The following SCARA5 variants were observed in gnomAD, a reference collection of about 807,000 sequenced individuals.
The protein encoded by SCARA5 is scavenger receptor class A, member 5 (putative).
In SCARA5, 45 loss-of-function variants were observed where a neutral mutation model predicts 46.3. The ratio of observed to expected loss-of-function variants is 0.97; its 90% CI spans 0.76 to 1.24. The LOEUF is 1.24. Ranked by LOEUF, SCARA5 falls within the 50% of genes most tolerant of loss-of-function variation. The probability of loss-of-function intolerance (pLI) is 0.00; values close to 1 mark genes in which losing one functional copy is unlikely to be tolerated. For missense variants in SCARA5, 680 were observed against 689.0 expected, an observed-to-expected ratio of 0.99 and a Z score of 0.15; for synonymous variants, 333 against 306.5, an observed-to-expected ratio of 1.09 and a Z score of -0.90.
intron 2 of SCARA5, among the ~76,000 whole-genome samples, chr8:27,980,762 A>G (rs944096927): frequency 6.6e-6 from 1 of 152,200 alleles, no homozygotes; most frequent in Admixed American, 6.5e-5. Context: ...TACGCCATAG[A>G]ATCAGGAGCC....
Position 27,871,335 on chromosome 8 carries a change from G to T in SCARA5, c.*599C>A. 3.3e-6 allele frequency: 2 copies of T among 603,132 alleles called. No homozygotes were observed. The highest frequency in any genetic ancestry group is 1.4e-4 in the East Asian group (1 of 7,072). 37.4% of individuals were successfully genotyped at this position (603,132 alleles called of 1,614,324 possible). A position where few individuals can be genotyped will look rare whatever the true frequency, so the allele number is the denominator to read the frequency against. ...AGTTTCATTCCCTTCTCCAAATCTA[G>T]CTGGATTCCTGCAGGTGACTTGCAT... On this transcript the variant is annotated 3_prime_UTR_variant, in exon 9 of 9. Coordinates refer to ENST00000354914, the MANE Select transcript of SCARA5 (RefSeq NM_173833.6).
At chr8:27,987,816 G>C (rs980841633) in intron 1 of SCARA5, among the ~76,000 whole-genome samples, 186 bp from the exon 2 acceptor site, 1 of 152,208 alleles carries the variant, frequency 6.6e-6, no homozygotes. Context: ...CCTTGGGGCC[G>C]TGATGCCCCC....
At chr8:27,884,446 G>A (rs1466923287) in intron 7 of SCARA5, among the ~76,000 whole-genome samples, 1 of 152,246 alleles carries the variant, frequency 6.6e-6, no homozygotes, top group Non-Finnish European at 1.5e-5. Flanking sequence ...GCTGAGGCCA[G>A]GCTGTCAGCC....
chr8:27,877,330 G>C (rs1453644300), intron 8 of SCARA5, among the ~76,000 whole-genome samples: 1 of 152,190 alleles, frequency 6.6e-6, no homozygotes, highest in African/African-American at 2.4e-5. Context: ...GGGCATTCGT[G>C]AAAGCAAGTC....
intron 8 of SCARA5, among the ~76,000 whole-genome samples, chr8:27,873,712 G>GA (rs1157962436): frequency 6.6e-6 from 1 of 151,860 alleles, no homozygotes; most frequent in Non-Finnish European, 1.5e-5. Context: ...CCCAAAAAAA[G>GA]AAAAAAAAGA....
At chr8:27,874,439 C>T (rs1035164342) in intron 8 of SCARA5, among the ~76,000 whole-genome samples, 4 of 152,194 alleles carry the variant, frequency 2.6e-5, no homozygotes, top group Admixed American at 1.3e-4. Flanking sequence ...AGCCAGAGGA[C>T]GGCAAACCGT....
At chr8:27,897,871 C>T (rs934153685) in intron 7 of SCARA5, among the ~76,000 whole-genome samples, 3 of 152,264 alleles carry the variant, frequency 2.0e-5, no homozygotes, top group African/African-American at 7.2e-5. Flanking sequence ...TCTTCCCAGG[C>T]TTTGGCCCTG....
intron 4 of SCARA5, among the ~76,000 whole-genome samples, chr8:27,916,069 A>C (rs1437367266): frequency 6.6e-6 from 1 of 152,230 alleles, no homozygotes; most frequent in Non-Finnish European, 1.5e-5. Context: ...AGACCTGATT[A>C]ATGCTAAAAA....
chr8:27,947,302 G>A (rs1808053626), intron 3 of SCARA5, among the ~76,000 whole-genome samples: 1 of 152,164 alleles, frequency 6.6e-6, no homozygotes, highest in Non-Finnish European at 1.5e-5. Context: ...ATGAGCGACT[G>A]CACCCAGCCT....
At chr8:27,906,663 C>T (rs2129758055) in intron 6 of SCARA5, among the ~76,000 whole-genome samples, 1 of 152,302 alleles carries the variant, frequency 6.6e-6, no homozygotes, top group Admixed American at 6.5e-5. Flanking sequence ...TCCTGACAGC[C>T]CTGTGAGATA....
chr8:27,921,339 A>G (rs1292452409), intron 4 of SCARA5, among the ~76,000 whole-genome samples: 15 of 152,182 alleles, frequency 9.9e-5, no homozygotes, highest in Non-Finnish European at 4.4e-5. Flanking sequence ...TACCCGAGGG[A>G]GGTTTACCTG....
intron 3 of SCARA5, among the ~76,000 whole-genome samples, chr8:27,954,949 T>G (rs1047449469): frequency 2.6e-5 from 4 of 152,206 alleles, no homozygotes; most frequent in African/African-American, 9.6e-5. Flanking sequence ...CCTGCCAGAC[T>G]GTTGTTTTTG....
intron 2 of SCARA5, among the ~76,000 whole-genome samples, chr8:27,981,482 G>T (rs964741672): frequency 6.6e-6 from 1 of 152,204 alleles, no homozygotes; most frequent in Non-Finnish European, 1.5e-5. Context: ...AGCCGGAGGA[G>T]TAAGTGCTCC....
At chr8:27,986,216 C>T (rs1808702933) in intron 2 of SCARA5, among the ~76,000 whole-genome samples, 1 of 152,258 alleles carries the variant, frequency 6.6e-6, no homozygotes, top group South Asian at 2.1e-4. Flanking sequence ...GTGAGCCTTA[C>T]AGAAACCTGA....
chr8:27,964,195 T>A (rs1178228790), intron 3 of SCARA5, among the ~76,000 whole-genome samples: 1 of 152,136 alleles, frequency 6.6e-6, no homozygotes. Context: ...TCTTGCCAAG[T>A]CCCTTTCCTA....
At chr8:27,912,449 G>A (rs1269327400) in intron 4 of SCARA5, among the ~76,000 whole-genome samples, 1 of 152,234 alleles carries the variant, frequency 6.6e-6, no homozygotes, top group African/African-American at 2.4e-5. Flanking sequence ...ACTAGATTTT[G>A]TGATCCCAGT....
intron 3 of SCARA5, among the ~76,000 whole-genome samples, chr8:27,952,996 A>AATGTCAGATGCATGTGG (rs1285344149): frequency 5.3e-5 from 8 of 152,192 alleles, no homozygotes; most frequent in African/African-American, 1.7e-4. Flanking sequence ...TTGCAGGATA[A>AATGTCAGATGCATGTGG]ATGTCAGATG....
intron 3 of SCARA5, among the ~76,000 whole-genome samples, chr8:27,950,749 T>C (rs2129899393): frequency 6.6e-6 from 1 of 152,244 alleles, no homozygotes; most frequent in East Asian, 1.9e-4. Flanking sequence ...CTGAGACACT[T>C]AGCAATGCCT....
At chr8:27,917,079 T>A (rs1229126416) in intron 4 of SCARA5, among the ~76,000 whole-genome samples, 1 of 152,214 alleles carries the variant, frequency 6.6e-6, no homozygotes, top group Non-Finnish European at 1.5e-5. Flanking sequence ...TGCTGGCCCC[T>A]GGATTTTGGA....
Sources: gnomAD v4.1 joint callset for allele counts (sites outside exome capture counted in the v4.1 genomes callset) on GRCh38, gnomAD v4.1.1 for gene constraint, MANE v1.5 for transcripts, NCBI Gene and HGNC (gene_info 2026-07-23, HGNC 2026-07-21) for gene names.